PHF19: variants seen among roughly 807,000 people sequenced by gnomAD.
The protein encoded by PHF19 is PHD finger protein 19.
PHF19 carries 21 observed loss-of-function variants against 79.8 expected under a neutral mutation model. That is an observed-to-expected ratio of 0.26 (90% CI 0.19 to 0.38). The LOEUF (loss-of-function observed/expected upper bound fraction) is 0.38. Ranked by LOEUF, PHF19 falls within the 10% of genes least tolerant of loss-of-function variation. The pLI, the probability that PHF19 is intolerant of heterozygous loss-of-function variation, is 1.00. For missense variants in PHF19, 445 were observed against 744.2 expected (o/e 0.60, Z 4.68); for synonymous variants, 273 against 296.3 (o/e 0.92, Z 0.81).
At chr9:120,881,592 T>C (rs1013223442), upstream of PHF19, among the ~76,000 whole-genome samples, 1 of 152,220 alleles carries the variant, frequency 6.6e-6, no homozygotes, top group Admixed American at 6.5e-5. Flanking sequence ...TTCTCAAGTC[T>C]AAAACTTTTC....
At chr9:120,859,953 T>G in intron 14 of PHF19, 137 bp downstream of exon 14, 1 of 630,758 alleles carries the variant, frequency 1.6e-6, no homozygotes, top group Non-Finnish European at 2.9e-6. Flanking sequence ...AGACTCACAA[T>G]TGCAGAAGGC....
upstream of PHF19, among the ~76,000 whole-genome samples, chr9:120,881,252 C>A (rs1480278548): frequency 6.6e-6 from 1 of 151,032 alleles, no homozygotes. Flanking sequence ...GGTTCACGCC[C>A]TTCTCCTGCC....
chr9:120,864,616 G>A (rs1476943091), intron 9 of PHF19, among the ~76,000 whole-genome samples: 1 of 152,208 alleles, frequency 6.6e-6, no homozygotes, highest in Non-Finnish European at 1.5e-5. Context: ...CCAGTGGGAG[G>A]AGGTTGCAGT....
intron 1 of PHF19, among the ~76,000 whole-genome samples, chr9:120,883,705 G>C: frequency 6.7e-6 from 1 of 149,210 alleles, no homozygotes; most frequent in East Asian, 2.0e-4. Context: ...GTTGCAGTGA[G>C]CTGAGATCAC....
chr9:120,873,196 T>C (rs1216159278), intron 3 of PHF19, among the ~76,000 whole-genome samples: 1 of 152,242 alleles, frequency 6.6e-6, no homozygotes, highest in Non-Finnish European at 1.5e-5. Flanking sequence ...TGTTAGAGTA[T>C]AAATGGCAAA....
rs1225497928 is a variant in PHF19, at chr9:120,869,424, C to A, written c.466-94G>T. On this transcript the variant is annotated intron_variant, in intron 5 of 14. Transcript: ENST00000373896. This position sits in a 1 kb window ranked among gnomAD's most constrained non-coding sequence, Gnocchi z 5.8. ...TCTATTGAGGGAAGTGCTGCCAGGG[C>A]TTGGGGGACCCGCAGATATTCCAAT... 3.5e-6 allele frequency: 5 copies of A among 1,420,986 alleles called. No homozygotes were observed. The highest frequency in any genetic ancestry group is 2.8e-5 in the African/African-American group (2 of 70,728). 88.0% of individuals were successfully genotyped at this position (1,420,986 alleles called of 1,614,324 possible).
rs2131463642 is a variant in PHF19, at chr9:120,857,201, A to G, written c.*743T>C. 1 of 138,510 alleles carries G rather than the reference A, an allele frequency of 7.2e-6. No homozygotes were observed. Among genetic ancestry groups the G allele is most frequent in the Middle Eastern group, 3.8e-3 (1 of 262 alleles). The allele number at this position is 138,510 out of a possible 1,614,324, so 8.6% of individuals were successfully genotyped here. ...TTCCAGCAAGGCCAGGCCCAGCTCTATGGCGACTGAGGGGGTGAGGCCAGA... is the reference window on the plus strand; with the variant it reads ...TTCCAGCAAGGCCAGGCCCAGCTCTGTGGCGACTGAGGGGGTGAGGCCAGA... On this transcript the variant is annotated 3_prime_UTR_variant, in exon 15 of 15. Coordinates refer to ENST00000373896, the MANE Select transcript of PHF19 (RefSeq NM_015651.3).
exon 1 of PHF19, chr9:120,894,832 T>G: frequency 8.1e-7 from 1 of 1,229,292 alleles, no homozygotes; most frequent in East Asian, 3.2e-5. Context: ...ACCAGCATAG[T>G]GCAGGGCACG....
Position 120,856,520 on chromosome 9 carries a change from C to T in PHF19, c.*1424G>A, listed in dbSNP as rs149269527. ...ACCCTCCACGTCAAGGCACTTTTGT[C>T]CATTTTCCAATCAAGTGAGTCAGTT... On this transcript the variant is annotated 3_prime_UTR_variant, in exon 15 of 15. Coordinates refer to ENST00000373896, the MANE Select transcript of PHF19 (RefSeq NM_015651.3). 3 of 152,366 alleles carry T rather than the reference C, an allele frequency of 2.0e-5. No individual in the cohort carries two copies. Among genetic ancestry groups the T allele is most frequent in the Admixed American group, 6.5e-5 (1 of 15,300 alleles). The allele number at this position is 152,366 out of a possible 1,614,324, so 9.4% of individuals were successfully genotyped here.
intron 3 of PHF19, among the ~76,000 whole-genome samples, chr9:120,871,766 G>A (rs1238766170): frequency 6.6e-6 from 1 of 152,160 alleles, no homozygotes; most frequent in South Asian, 2.1e-4. Context: ...TCGGCCGGGC[G>A]CAGTGGCTCA....
chr9:120,873,472 G>T (rs1255290430), intron 3 of PHF19, among the ~76,000 whole-genome samples: 1 of 152,184 alleles, frequency 6.6e-6, no homozygotes, highest in African/African-American at 2.4e-5. Flanking sequence ...ACCCTGCCTG[G>T]CTCACCTCTG....
intron 1 of PHF19, among the ~76,000 whole-genome samples, chr9:120,890,171 A>G (rs898043336): frequency 1.3e-5 from 2 of 152,106 alleles, no homozygotes; most frequent in Non-Finnish European, 2.9e-5. Context: ...AGTGATTATC[A>G]TCATCCTTTT....
rs1366624341 is a variant in PHF19 at position 120,874,703 on chromosome 9, G to T, written c.39C>A (p.Ser13=). Residue 13 remains serine, a synonymous_variant, in exon 2 of 15, where the codon TCC becomes TCA. Coordinates refer to ENST00000373896, the MANE Select transcript of PHF19 (RefSeq NM_015651.3). The surrounding 1 kb of genome is among the most constrained non-coding windows in gnomAD (Gnocchi z 4.5). ...TGGGGAGGTGGCTGGTGGCACCATA[G>T]GAGTCCCGAGTCCCTGGATCCAGAG... ...NRALDPGTRD[S]YGATSHLPNK... 8 of 1,613,804 alleles carry T rather than the reference G, an allele frequency of 5.0e-6. No individual in the cohort carries two copies. The South Asian group carries it at 8.8e-5, about 18-fold the overall frequency.
intron 1 of PHF19, among the ~76,000 whole-genome samples, chr9:120,885,704 G>T (rs1281974477): frequency 6.6e-6 from 1 of 152,052 alleles, no homozygotes; most frequent in Non-Finnish European, 1.5e-5. Flanking sequence ...CCCCTCCCTT[G>T]CCCAGAGATG....
intron 1 of PHF19, among the ~76,000 whole-genome samples, chr9:120,886,393 C>T (rs776756984): frequency 1.3e-5 from 2 of 152,138 alleles, no homozygotes; most frequent in East Asian, 1.9e-4. Context: ...GTATGGACAC[C>T]GAACCAAAAT....
Position 120,874,131 on chromosome 9 carries a change from C to T in PHF19, c.187-71G>A, listed in dbSNP as rs560223048. ...AGCCAACCTGGAACATAGTCTTCCTCCCCCATTTTTGTCTCCGTATGTTCC... is the reference window on the plus strand; with the variant it reads ...AGCCAACCTGGAACATAGTCTTCCTTCCCCATTTTTGTCTCCGTATGTTCC... On this transcript the variant is annotated intron_variant, in intron 2 of 14. Transcript: ENST00000373896. This position sits in a 1 kb window ranked among gnomAD's most constrained non-coding sequence, Gnocchi z 4.5. 342 of 816,282 alleles carry T rather than the reference C, an allele frequency of 4.2e-4. 1 individual carries two copies. The highest frequency in any genetic ancestry group is 6.5e-4 in the Non-Finnish European group (311 of 479,148). The allele number at this position is 816,282 out of a possible 1,614,324, so 50.6% of individuals were successfully genotyped here.
intron 1 of PHF19, among the ~76,000 whole-genome samples, chr9:120,886,336 AGGCTCT>A (rs1214881495): frequency 6.6e-6 from 1 of 152,244 alleles, no homozygotes; most frequent in Non-Finnish European, 1.5e-5. Flanking sequence ...TGCAGGAAAG[AGGCTCT>A]GGGGAGTTAT....
In PHF19 at chr9:120,857,047, T is replaced by A. The variant is rs1262165298; in HGVS notation, c.*897A>T. On this transcript the variant is annotated 3_prime_UTR_variant, in exon 15 of 15. Transcript: ENST00000373896. ...GGAAGCTTGTGCGAGTGGGTGTGTATTGTCTGCTGTGTGGTGTCTGGTGGG... is the reference window on the plus strand; with the variant it reads ...GGAAGCTTGTGCGAGTGGGTGTGTAATGTCTGCTGTGTGGTGTCTGGTGGG... 2.0e-5 allele frequency: 3 copies of A among 152,360 alleles called. No homozygotes were observed. The highest frequency in any genetic ancestry group is 2.9e-5 in the Non-Finnish European group (2 of 68,186). The allele number at this position is 152,360 out of a possible 1,614,324, so 9.4% of individuals were successfully genotyped here. A position where few individuals can be genotyped will look rare whatever the true frequency, so the allele number is the denominator to read the frequency against.
chr9:120,900,846 G>A, the PHF19 span, among the ~76,000 whole-genome samples: 2 of 152,246 alleles, frequency 1.3e-5, no homozygotes, highest in African/African-American at 4.8e-5. Context: ...GATTAGAAGC[G>A]TGAGCCATTG....
Sources: gnomAD v4.1 joint callset for allele counts (sites outside exome capture counted in the v4.1 genomes callset) on GRCh38, gnomAD v4.1.1 for gene constraint, Gnocchi (gnomAD v3.1) non-coding constraint, MANE v1.5 for transcripts, NCBI Gene and HGNC (gene_info 2026-07-23, HGNC 2026-07-21) for gene names.